The following TMEM108 variants were observed in gnomAD, a reference collection of about 807,000 sequenced individuals.
TMEM108 encodes the protein transmembrane protein 108.
Under a neutral mutation model 35.1 loss-of-function variants are expected in TMEM108, and 12 were observed. The ratio of observed to expected loss-of-function variants is 0.34; its 90% CI spans 0.22 to 0.55. TMEM108 has a LOEUF of 0.55. Ranked by LOEUF, TMEM108 falls within the 20% of genes least tolerant of loss-of-function variation. The pLI, the probability that TMEM108 is intolerant of heterozygous loss-of-function variation, is 0.89. For missense variants in TMEM108, 680 were observed against 753.3 expected (o/e 0.90, Z 1.14); for synonymous variants, 287 against 308.6 (o/e 0.93, Z 0.73).
At chr3:133,218,170 A>G (rs1422816416) in intron 2 of TMEM108, among the ~76,000 whole-genome samples, 1 of 151,836 alleles carries the variant, frequency 6.6e-6, no homozygotes, top group East Asian at 1.9e-4. Flanking sequence ...TTTTATAACT[A>G]TTGCAAATGG....
chr3:133,379,971 G>T lies in TMEM108; in HGVS notation c.260G>T (p.Arg87Leu), dbSNP rs745430893. ...AAAPMATPTP[R>L]AEGHPPTHTI... ...GCTCCCATGGCAACACCGACACCCC[G>T]TGCAGAGGGGCACCCTCCTACGCAC... Residue 87 changes from arginine (R) to leucine (L), a missense_variant, in exon 4 of 6, where the codon CGT becomes CTT. Transcript: ENST00000321871. The T allele has an allele frequency of 6.2e-7, 1 of 1,613,170 alleles. No homozygotes were observed. Among genetic ancestry groups the T allele is most frequent in the Admixed American group, 1.7e-5 (1 of 59,922 alleles).
At chr3:133,390,060 T>G (rs2107859430) in intron 4 of TMEM108, 120 bp from the exon 5 acceptor site, 1 of 1,221,904 alleles carries the variant, frequency 8.2e-7, no homozygotes, top group South Asian at 1.4e-5. Flanking sequence ...CACCATGCCC[T>G]GCCCCTTTTC....
At chr3:133,312,456 C>A (rs2071143714) in intron 3 of TMEM108, among the ~76,000 whole-genome samples, 1 of 152,260 alleles carries the variant, frequency 6.6e-6, no homozygotes, top group Non-Finnish European at 1.5e-5. Flanking sequence ...CCTCTCCCCG[C>A]CACAAGGCAG....
At chr3:133,054,731 G>T (rs1453309382) in intron 2 of TMEM108, among the ~76,000 whole-genome samples, 2 of 152,172 alleles carry the variant, frequency 1.3e-5, no homozygotes, top group Non-Finnish European at 2.9e-5. Context: ...CTGTGTCAGG[G>T]TAAGAATGAT....
At chr3:133,224,221 A>T (rs1946034519) in intron 2 of TMEM108, among the ~76,000 whole-genome samples, 1 of 152,172 alleles carries the variant, frequency 6.6e-6, no homozygotes, top group African/African-American at 2.4e-5. Context: ...CGCTCCATAG[A>T]TACCCACTAA....
intron 3 of TMEM108, chr3:133,247,023 A>G (rs939801320): frequency 6.6e-6 from 1 of 152,162 alleles, no homozygotes; most frequent in Non-Finnish European, 1.5e-5. Context: ...TCTAATTAAG[A>G]TGTCCAGGGC....
At chr3:133,222,328 G>A (rs1182280364) in intron 2 of TMEM108, among the ~76,000 whole-genome samples, 6 of 151,938 alleles carry the variant, frequency 3.9e-5, no homozygotes, top group Non-Finnish European at 7.4e-5. Context: ...TTCTCTTGCT[G>A]CTTTCAGGAC....
chr3:133,071,129 T>C (rs534096741), intron 2 of TMEM108, among the ~76,000 whole-genome samples: 3 of 152,298 alleles, frequency 2.0e-5, no homozygotes, highest in South Asian at 2.1e-4. Flanking sequence ...AGTTGCAACA[T>C]AGGCTATAGA....
intron 2 of TMEM108, among the ~76,000 whole-genome samples, chr3:133,111,937 G>A (rs992728838): frequency 6.6e-6 from 1 of 152,184 alleles, no homozygotes; most frequent in African/African-American, 2.4e-5. Flanking sequence ...TGTGGGGAGA[G>A]AGGTGGCAGG....
intron 3 of TMEM108, among the ~76,000 whole-genome samples, chr3:133,364,376 G>A (rs898817259): frequency 1.3e-5 from 2 of 152,170 alleles, no homozygotes; most frequent in East Asian, 3.8e-4. Flanking sequence ...AAATGAGTGA[G>A]AAGAAGGTGA....
intron 2 of TMEM108, among the ~76,000 whole-genome samples, chr3:133,072,275 A>G (rs1559823508): frequency 6.6e-6 from 1 of 152,134 alleles, no homozygotes; most frequent in South Asian, 2.1e-4. Flanking sequence ...ATGATTAAGG[A>G]CAGATTTTAG....
In TMEM108 at chr3:133,066,165, A is replaced by G. The variant is rs73209397; in HGVS notation, c.-47+20145A>G. ...CTTAGACTCGTCTTTTCTCTATAGT[A>G]AAGACTTTCTTGGAGCTTGGAATTT... On this transcript the variant is annotated intron_variant, in intron 2 of 5. Coordinates refer to ENST00000321871, the MANE Select transcript of TMEM108 (RefSeq NM_023943.4). 9.5e-3 allele frequency among the ~76,000 whole-genome samples: 1,442 copies of G among 152,092 alleles called. 11 individuals are homozygous for G. Among genetic ancestry groups the G allele is most frequent in the Middle Eastern group, 0.027 (8 of 294 alleles).
intron 2 of TMEM108, among the ~76,000 whole-genome samples, chr3:133,119,722 G>A (rs1332294665): frequency 6.6e-6 from 1 of 152,088 alleles, no homozygotes; most frequent in Non-Finnish European, 1.5e-5. Flanking sequence ...TCTTGGCGAT[G>A]TTTTATTAGC....
At chr3:133,178,836 G>A (rs1434224341) in intron 2 of TMEM108, among the ~76,000 whole-genome samples, 1 of 152,140 alleles carries the variant, frequency 6.6e-6, no homozygotes, top group Non-Finnish European at 1.5e-5. Context: ...AAGAGCTTCT[G>A]CACAGTAAAA....
At chr3:133,336,204 T>C (rs1197280) in intron 3 of TMEM108, among the ~76,000 whole-genome samples, 146,855 of 152,146 alleles carry the variant, frequency 0.97, 71,064 homozygotes, top group East Asian at 1. Flanking sequence ...TTAAGGCGCA[T>C]GACCTACTGA....
At chr3:133,229,396 T>C in intron 3 of TMEM108, 45 bp downstream of exon 3, 1 of 1,590,282 alleles carries the variant, frequency 6.3e-7, no homozygotes, top group Admixed American at 1.7e-5. Flanking sequence ...ATACTAATGT[T>C]ATTATTTGCT....
At position 133,229,248 on chromosome 3, in the gene TMEM108, C is replaced by G; in HGVS notation, c.-46-18C>G. 6.6e-7 allele frequency: 1 copy of G among 1,526,006 alleles called. No individual in the cohort carries two copies. The highest frequency in any genetic ancestry group is 2.3e-5 in the East Asian group (1 of 44,000). The allele number at this position is 1,526,006 out of a possible 1,614,324, so 94.5% of individuals were successfully genotyped here. ...TATGTTCCTCAGATGTAACAATTTT[C>G]TTCTCCCAATTTCCTAGACAGAATC... is the stretch of plus-strand genomic sequence containing the variant. On this transcript the variant is annotated intron_variant, in intron 2 of 5. Transcript: ENST00000321871.
intron 2 of TMEM108, among the ~76,000 whole-genome samples, chr3:133,090,621 T>C (rs1202929766): frequency 6.6e-6 from 1 of 152,188 alleles, no homozygotes; most frequent in East Asian, 1.9e-4. Flanking sequence ...AGAATTATCG[T>C]AAGAAATTTC....
intron 3 of TMEM108, among the ~76,000 whole-genome samples, chr3:133,364,310 G>A (rs1424525795): frequency 1.3e-5 from 2 of 152,182 alleles, no homozygotes; most frequent in Non-Finnish European, 2.9e-5. Context: ...GTGTCCCATA[G>A]CATAGGCAAT....
Sources: allele counts gnomAD v4.1 joint callset (sites outside exome capture counted in the v4.1 genomes callset), GRCh38; gene constraint gnomAD v4.1.1; transcripts MANE v1.5; gene names NCBI Gene and HGNC (gene_info 2026-07-23, HGNC 2026-07-21).